BCAS3: variants seen among roughly 807,000 people sequenced by gnomAD.
The protein encoded by BCAS3 is BCAS4/BCAS3 fusion.
A neutral mutation model predicts 116.1 loss-of-function variants in BCAS3; 53 were observed. That is an observed-to-expected ratio of 0.46 (90% CI 0.37 to 0.57). The LOEUF is 0.57. Among genes scored for constraint, BCAS3 ranks in the 20% least tolerant of loss-of-function variants. The pLI, the probability that BCAS3 is intolerant of heterozygous loss-of-function variation, is 0.00. For missense variants in BCAS3, 917 were observed against 1,165.4 expected (o/e 0.79, Z 3.10); for synonymous variants, 391 against 408.2 (o/e 0.96, Z 0.51).
At chr17:61,071,528 T>G (rs923347919) in intron 19 of BCAS3, among the ~76,000 whole-genome samples, 4 of 152,184 alleles carry the variant, frequency 2.6e-5, no homozygotes, top group African/African-American at 9.7e-5. Flanking sequence ...CTGAAGTTAT[T>G]TATTTCTAAC....
chr17:60,716,238 G>A (rs2038594830), intron 5 of BCAS3, among the ~76,000 whole-genome samples: 1 of 152,120 alleles, frequency 6.6e-6, no homozygotes, highest in South Asian at 2.1e-4. Flanking sequence ...CAATAGATGT[G>A]GTCTTTGCTG....
At position 61,198,904 on chromosome 17, in the gene BCAS3, A is replaced by T. The variant is rs1005032354; in HGVS notation, c.2425+114340A>T. Among the ~76,000 whole-genome samples, 1 of 152,230 alleles carries T rather than the reference A, an allele frequency of 6.6e-6. No individual in the cohort carries two copies. The highest frequency in any genetic ancestry group is 2.4e-5 in the African/African-American group (1 of 41,464). ...GGTACATGTTTCTAAAGCTTTTAAG[A>T]TAATGATACTTAGAAATCACTGATT... On this transcript the variant is annotated intron_variant, in intron 22 of 23. Transcript: ENST00000407086. The surrounding 1 kb of genome is among the most constrained non-coding windows in gnomAD (Gnocchi z 5.0).
In BCAS3 at chr17:60,956,161, A is replaced by G. The variant is rs533209201; in HGVS notation, c.1221+8809A>G. ...TTATTCAATGGATTATATTTGTTCA[A>G]TAATTACTTATTATAGTGCACAAAA... On this transcript the variant is annotated intron_variant, in intron 14 of 23. Coordinates refer to ENST00000407086, the MANE Select transcript of BCAS3 (RefSeq NM_017679.5). The surrounding 1 kb of genome is among the most constrained non-coding windows in gnomAD (Gnocchi z 4.2). Among the ~76,000 whole-genome samples the G allele has an allele frequency of 3.0e-4, 45 of 152,292 alleles. No homozygotes were observed. Among genetic ancestry groups the G allele is most frequent in the African/African-American group, 1.1e-3 (45 of 41,568 alleles).
At chr17:60,863,624 C>G (rs775570010) in intron 7 of BCAS3, among the ~76,000 whole-genome samples, 1 of 151,840 alleles carries the variant, frequency 6.6e-6, no homozygotes, top group Non-Finnish European at 1.5e-5. Context: ...TATGGTGGTG[C>G]GCACCTGTAG....
intron 22 of BCAS3, among the ~76,000 whole-genome samples, chr17:61,210,807 T>A (rs935037584): frequency 1.3e-5 from 2 of 152,218 alleles, no homozygotes; most frequent in African/African-American, 4.8e-5. Flanking sequence ...CATAGCCAGT[T>A]GTGCTGCAGA....
rs952725966 is a variant in BCAS3 at position 61,139,409 on chromosome 17, G to A, written c.2425+54845G>A. 1.3e-5 allele frequency among the ~76,000 whole-genome samples: 2 copies of A among 152,180 alleles called. No homozygotes were observed. The highest frequency in any genetic ancestry group is 2.4e-5 in the African/African-American group (1 of 41,438). Reference sequence around the variant, plus strand: ...GGTTTTGGTGTTTCCTCTTACACATGTGTCTTCCTTCTTCAGTTTCTCAGT... The same window carrying A: ...GGTTTTGGTGTTTCCTCTTACACATATGTCTTCCTTCTTCAGTTTCTCAGT... On this transcript the variant is annotated intron_variant, in intron 22 of 23. Coordinates refer to ENST00000407086, the MANE Select transcript of BCAS3 (RefSeq NM_017679.5). This position sits in a 1 kb window ranked among gnomAD's most constrained non-coding sequence, Gnocchi z 4.7.
intron 7 of BCAS3, among the ~76,000 whole-genome samples, chr17:60,846,797 C>T (rs1322889631): frequency 6.6e-6 from 1 of 152,100 alleles, no homozygotes; most frequent in African/African-American, 2.4e-5. Flanking sequence ...TTCCCTCCCT[C>T]CCTCTCTTTC....
chr17:60,979,826 T>TGA, intron 14 of BCAS3, among the ~76,000 whole-genome samples: 1 of 152,288 alleles, frequency 6.6e-6, no homozygotes, highest in East Asian at 1.9e-4. Context: ...TGAACCAGCC[T>TGA]TGCATCCCAG....
At chr17:60,935,453 A>G (rs1461872758) in intron 13 of BCAS3, among the ~76,000 whole-genome samples, 1 of 152,142 alleles carries the variant, frequency 6.6e-6, no homozygotes, top group Non-Finnish European at 1.5e-5. Context: ...ATAAGTAAAT[A>G]TATAATTTGG....
intron 19 of BCAS3, among the ~76,000 whole-genome samples, chr17:61,045,849 C>CTCTCTCTCTCTCTCTCTCTATA (rs1247914760): frequency 2.5e-4 from 2 of 7,938 alleles, no homozygotes; most frequent in Non-Finnish European, 3.6e-4. Context: ...CTCTCTCTCT[C>CTCTCTCTCTCTCTCTCTCTATA]TATATATATA....
intron 19 of BCAS3, among the ~76,000 whole-genome samples, chr17:61,044,949 A>T (rs1216856498): frequency 6.6e-6 from 1 of 151,790 alleles, no homozygotes; most frequent in African/African-American, 2.4e-5. Context: ...TTTAGTAGAG[A>T]TGGGGTTTCA....
At position 60,967,832 on chromosome 17, in the gene BCAS3, G is replaced by A. The variant is rs1046923170; in HGVS notation, c.1221+20480G>A. Among the ~76,000 whole-genome samples the A allele has an allele frequency of 1.3e-5, 2 of 152,054 alleles. No homozygotes were observed. Among genetic ancestry groups the A allele is most frequent in the Non-Finnish European group, 2.9e-5 (2 of 67,988 alleles). On this transcript the variant is annotated intron_variant, in intron 14 of 23. Coordinates refer to ENST00000407086, the MANE Select transcript of BCAS3 (RefSeq NM_017679.5). The surrounding 1 kb of genome is among the most constrained non-coding windows in gnomAD (Gnocchi z 4.7). ...CACTTGGTCCATTCCACTGTTGAGA[G>A]TCTCTGATGACTTCTTCAGTTCAGC... is the stretch of plus-strand genomic sequence containing the variant.
At chr17:60,701,828 G>T (rs1173233362) in intron 4 of BCAS3, among the ~76,000 whole-genome samples, 1 of 132,514 alleles carries the variant, frequency 7.5e-6, no homozygotes, top group Non-Finnish European at 1.5e-5. Context: ...AAAAGAAAAA[G>T]CCAGGCGTGG....
intron 22 of BCAS3, among the ~76,000 whole-genome samples, chr17:61,301,494 G>A (rs892478385): frequency 2.6e-5 from 4 of 152,092 alleles, no homozygotes; most frequent in Non-Finnish European, 4.4e-5. Context: ...AAAATTAGCT[G>A]GGCGTGGTGG....
intron 19 of BCAS3, among the ~76,000 whole-genome samples, chr17:61,042,762 T>C (rs570970666): frequency 6.6e-6 from 1 of 150,970 alleles, no homozygotes; most frequent in African/African-American, 2.4e-5. Context: ...TGGTGGTGCA[T>C]GCCTGTAATC....
At chr17:60,828,442 A>G (rs2050623816) in intron 7 of BCAS3, among the ~76,000 whole-genome samples, 1 of 152,252 alleles carries the variant, frequency 6.6e-6, no homozygotes, top group South Asian at 2.1e-4. Flanking sequence ...ACTTTGCCAG[A>G]ATAAAACCTT....
Position 61,068,193 on chromosome 17 carries a change from G to A in BCAS3, c.2030-6727G>A, listed in dbSNP as rs1180163259. Among the ~76,000 whole-genome samples, 2 of 152,064 alleles carry A rather than the reference G, an allele frequency of 1.3e-5. No individual in the cohort carries two copies. Among genetic ancestry groups the A allele is most frequent in the Admixed American group, 6.5e-5 (1 of 15,274 alleles). ...TTTGTATCTTGGTCCATTGAACTTG[G>A]ATTTGCAAGATATGTAACTTTATTT... On this transcript the variant is annotated intron_variant, in intron 19 of 23. Coordinates refer to ENST00000407086, the MANE Select transcript of BCAS3 (RefSeq NM_017679.5). This position sits in a 1 kb window ranked among gnomAD's most constrained non-coding sequence, Gnocchi z 4.3.
At chr17:60,815,028 A>G (rs2049242429) in intron 7 of BCAS3, among the ~76,000 whole-genome samples, 1 of 152,224 alleles carries the variant, frequency 6.6e-6, no homozygotes, top group Non-Finnish European at 1.5e-5. Context: ...ACAATAGCAA[A>G]TACTTGGAAC....
chr17:61,137,933 T>A (rs1391405812), intron 22 of BCAS3, among the ~76,000 whole-genome samples: 1 of 152,222 alleles, frequency 6.6e-6, no homozygotes, highest in Non-Finnish European at 1.5e-5. Context: ...TATCTTTAGA[T>A]CCTGATATGG....
Sources: gnomAD v4.1 joint callset for allele counts (sites outside exome capture counted in the v4.1 genomes callset) on GRCh38, gnomAD v4.1.1 for gene constraint, Gnocchi (gnomAD v3.1) non-coding constraint, MANE v1.5 for transcripts, NCBI Gene and HGNC (gene_info 2026-07-23, HGNC 2026-07-21) for gene names.